The following TRIM67 variants were observed in gnomAD, a reference collection of about 807,000 sequenced individuals.
The protein encoded by TRIM67 is tripartite motif containing 67.
Under a neutral mutation model 71.0 loss-of-function variants are expected in TRIM67, and 39 were observed. The ratio of observed to expected loss-of-function variants is 0.55; its 90% CI spans 0.43 to 0.72. TRIM67 has a LOEUF of 0.72. TRIM67 is among the 30% of genes least tolerant of loss of function. The probability of loss-of-function intolerance (pLI) is 0.00; values close to 1 mark genes in which losing one functional copy is unlikely to be tolerated. For missense variants in TRIM67, 973 were observed against 1,079.2 expected, an observed-to-expected ratio of 0.90 and a Z score of 1.38; for synonymous variants, 481 against 473.9, an observed-to-expected ratio of 1.01 and a Z score of -0.19.
intron 1 of TRIM67, among the ~76,000 whole-genome samples, chr1:231,170,098 T>C (rs181304851): frequency 2.8e-4 from 42 of 151,782 alleles, no homozygotes; most frequent in African/African-American, 8.7e-4. Context: ...GAGATTCTCC[T>C]GCTTCAGCCT....
chr1:231,168,331 T>A (rs1469790562), intron 1 of TRIM67, among the ~76,000 whole-genome samples: 2 of 152,240 alleles, frequency 1.3e-5, no homozygotes, highest in African/African-American at 4.8e-5. Context: ...TATATTTTAT[T>A]TCGTTAACAC....
intron 1 of TRIM67, among the ~76,000 whole-genome samples, chr1:231,176,804 C>G (rs981973530): frequency 1.4e-5 from 2 of 147,408 alleles, no homozygotes; most frequent in African/African-American, 5.1e-5. Flanking sequence ...AAACTTTAGC[C>G]TCATTTAAAT....
At chr1:231,197,968 G>A (rs1683413349) in intron 2 of TRIM67, among the ~76,000 whole-genome samples, 1 of 152,202 alleles carries the variant, frequency 6.6e-6, no homozygotes, top group Non-Finnish European at 1.5e-5. Context: ...AGCCTTGGGT[G>A]CTGAAAGTGT....
At chr1:231,187,536 T>A (rs1558297548) in intron 1 of TRIM67, 1 of 1,532,254 alleles carries the variant, frequency 6.5e-7, no homozygotes, top group African/African-American at 1.4e-5. Context: ...GAGGGGCAGA[T>A]AAAAAGGTGA....
Position 231,184,992 on chromosome 1 carries a change from G to A in TRIM67, c.1045-12379G>A, listed in dbSNP as rs1409014572. 5 of 1,530,518 alleles carry A rather than the reference G, an allele frequency of 3.3e-6. No individual in the cohort carries two copies. The East Asian group carries it at 1.2e-4, about 37-fold the overall frequency. 94.8% of individuals were successfully genotyped at this position (1,530,518 alleles called of 1,614,324 possible). ...AACACCCAGCAGTGCTCCTGAATGG[G>A]TGGCCGGCAGGTTGGGGAGGGTCAG... On this transcript the variant is annotated intron_variant, in intron 1 of 9. Coordinates refer to ENST00000366653, the MANE Select transcript of TRIM67 (RefSeq NM_001004342.5).
intron 6 of TRIM67, 32 bp from the exon 7 acceptor site, chr1:231,206,620 G>C (rs762744095): frequency 3.9e-6 from 6 of 1,528,650 alleles, no homozygotes; most frequent in Non-Finnish European, 5.3e-6. Flanking sequence ...AAATGCTAGA[G>C]GAGCCTGGTG....
chr1:231,206,750 C>T lies in TRIM67; in HGVS notation c.1779C>T (p.Val593=), dbSNP rs757590548. 11 of 1,610,716 alleles carry T rather than the reference C, an allele frequency of 6.8e-6. No individual in the cohort carries two copies. Among genetic ancestry groups the T allele is most frequent in the East Asian group, 2.2e-5 (1 of 44,634 alleles). ...ARVKAFNSSG[V]GPYSKTVVLQ... ...TCAAAGCTTTCAACTCTTCTGGTGT[C>T]GGGCCTTACAGTAAAACTGTCGTCC... Residue 593 remains valine, a synonymous_variant, in exon 7 of 10, where the codon GTC becomes GTT. Transcript: ENST00000366653.
At chr1:231,186,569 C>T (rs1183547484) in intron 1 of TRIM67, among the ~76,000 whole-genome samples, 1 of 152,156 alleles carries the variant, frequency 6.6e-6, no homozygotes, top group Non-Finnish European at 1.5e-5. Flanking sequence ...CCAATCTTCA[C>T]GTGGTGCTTT....
intron 1 of TRIM67, among the ~76,000 whole-genome samples, chr1:231,167,824 A>G (rs1682517015): frequency 1.3e-5 from 2 of 152,134 alleles, no homozygotes; most frequent in Non-Finnish European, 2.9e-5. Flanking sequence ...CTTATTTTGT[A>G]AAAAGGGTAT....
At chr1:231,189,155 C>T (rs770087849) in intron 1 of TRIM67, among the ~76,000 whole-genome samples, 6 of 152,268 alleles carry the variant, frequency 3.9e-5, no homozygotes, top group Non-Finnish European at 8.8e-5. Context: ...ATAAATCCAA[C>T]GTGACTTCAT....
intron 2 of TRIM67, 133 bp from the exon 3 acceptor site, chr1:231,198,914 A>AT (rs1683445511): frequency 3.5e-6 from 5 of 1,415,702 alleles, no homozygotes; most frequent in Non-Finnish European, 4.8e-6. Context: ...ATTGTCTCTA[A>AT]TTTAACAACA....
intron 3 of TRIM67, among the ~76,000 whole-genome samples, chr1:231,199,638 G>C (rs974573775): frequency 6.6e-6 from 1 of 152,126 alleles, no homozygotes; most frequent in Non-Finnish European, 1.5e-5. Flanking sequence ...ACTCAGCCAG[G>C]CACCCATGAA....
chr1:231,200,295 T>C (rs1450344071), intron 4 of TRIM67, 37 bp downstream of exon 4: 2 of 1,378,086 alleles, frequency 1.5e-6, no homozygotes, highest in East Asian at 4.6e-5. Flanking sequence ...GTGGGCTTCC[T>C]CCAACTGTCC....
In TRIM67 at chr1:231,192,794, G is replaced by T. The variant is rs1165637257; in HGVS notation, c.1045-4577G>T. Among the ~76,000 whole-genome samples, 7 of 152,236 alleles carry T rather than the reference G, an allele frequency of 4.6e-5. No homozygotes were observed. In the East Asian group the frequency reaches 1.3e-3, roughly 29 times the overall value. On this transcript the variant is annotated intron_variant, in intron 1 of 9. Transcript: ENST00000366653. ...CGTGCATTGAGGTGACCTCACCAAG[G>T]GGGCATCAAAAAGCAGTGGAGGGAA...
intron 1 of TRIM67, among the ~76,000 whole-genome samples, chr1:231,174,891 T>C (rs535900309): frequency 3.3e-5 from 5 of 152,340 alleles, no homozygotes; most frequent in African/African-American, 1.2e-4. Flanking sequence ...AGTAGTCTAC[T>C]TGAATACAAC....
In TRIM67 at chr1:231,162,301, G is replaced by A. The variant is rs1157346648; in HGVS notation, c.-669G>A. ...ACAGCCGCCCAGGAGTAGGGTGAGCGGCTGTCTCCGGGCCGGTCGGGTCCC... is the reference window on the plus strand; with the variant it reads ...ACAGCCGCCCAGGAGTAGGGTGAGCAGCTGTCTCCGGGCCGGTCGGGTCCC... On this transcript the variant is annotated 5_prime_UTR_variant, in exon 1 of 10. Coordinates refer to ENST00000366653, the MANE Select transcript of TRIM67 (RefSeq NM_001004342.5). 6.6e-6 allele frequency: 1 copy of A among 152,138 alleles called. No homozygotes were observed. The highest frequency in any genetic ancestry group is 1.5e-5 in the Non-Finnish European group (1 of 68,040). The allele number at this position is 152,138 out of a possible 1,614,324, so 9.4% of individuals were successfully genotyped here.
chr1:231,220,444 C>A lies in TRIM67; in HGVS notation c.*5004C>A, dbSNP rs190847971. 3.9e-5 allele frequency: 6 copies of A among 154,716 alleles called. No homozygotes were observed. The highest frequency in any genetic ancestry group is 3.8e-4 in the Admixed American group (6 of 15,676). 9.6% of individuals were successfully genotyped at this position (154,716 alleles called of 1,614,324 possible). A position where few individuals can be genotyped will look rare whatever the true frequency, so the allele number is the denominator to read the frequency against. ...CTTTAAACCAAGGAAGGACACTAACCCAGGCCTCTGCCTTCTTTGTTACCT... is the reference window on the plus strand; with the variant it reads ...CTTTAAACCAAGGAAGGACACTAACACAGGCCTCTGCCTTCTTTGTTACCT... On this transcript the variant is annotated 3_prime_UTR_variant, in exon 10 of 10. Coordinates refer to ENST00000366653, the MANE Select transcript of TRIM67 (RefSeq NM_001004342.5).
In TRIM67 at chr1:231,215,477, C is replaced by T; in HGVS notation, c.*37C>T. On this transcript the variant is annotated 3_prime_UTR_variant, in exon 10 of 10. Transcript: ENST00000366653. ...CTCGGCACTGTGCCTGTGACAGTGA[C>T]ATTCACAGGCAAAACGCCCACCATT... 1 of 1,555,890 alleles carries T rather than the reference C, an allele frequency of 6.4e-7. No individual in the cohort carries two copies. Among genetic ancestry groups the T allele is most frequent in the Non-Finnish European group, 8.7e-7 (1 of 1,146,012 alleles).
chr1:231,170,956 C>T (rs1441822581), intron 1 of TRIM67, among the ~76,000 whole-genome samples: 1 of 152,202 alleles, frequency 6.6e-6, no homozygotes, highest in Non-Finnish European at 1.5e-5. Flanking sequence ...TGGGAGCTCA[C>T]TGAAAATGCA....
Sources: gnomAD v4.1 joint callset for allele counts (sites outside exome capture counted in the v4.1 genomes callset) on GRCh38, gnomAD v4.1.1 for gene constraint, MANE v1.5 for transcripts, NCBI Gene and HGNC (gene_info 2026-07-23, HGNC 2026-07-21) for gene names.